The following FAM83B variants were observed in gnomAD, a reference collection of about 807,000 sequenced individuals.
The protein encoded by FAM83B is scaffolding CK1 anchoring protein B.
Under a neutral mutation model 38.8 loss-of-function variants are expected in FAM83B, and 26 were observed. That is an observed-to-expected ratio of 0.67 (90% CI 0.49 to 0.93). The LOEUF (loss-of-function observed/expected upper bound fraction) is 0.93. FAM83B is among the 40% of genes least tolerant of loss of function. The pLI, the probability that FAM83B is intolerant of heterozygous loss-of-function variation, is 0.00. For missense variants in FAM83B, 1,237 were observed against 1,197.3 expected (o/e 1.03, Z -0.49); for synonymous variants, 419 against 423.1 (o/e 0.99, Z 0.12).
intron 2 of FAM83B, among the ~76,000 whole-genome samples, chr6:54,897,701 A>G (rs1772571249): frequency 6.6e-6 from 1 of 152,220 alleles, no homozygotes; most frequent in South Asian, 2.1e-4. Flanking sequence ...AAAGAAATTT[A>G]AACAACATGA....
At chr6:54,891,329 T>A (rs1403171225) in intron 2 of FAM83B, among the ~76,000 whole-genome samples, 1 of 130,200 alleles carries the variant, frequency 7.7e-6, no homozygotes, top group African/African-American at 2.7e-5. Context: ...GTAAGTAGTT[T>A]GCCTTTAATT....
chr6:54,939,353 T>C (rs989307629), intron 4 of FAM83B, among the ~76,000 whole-genome samples: 2 of 152,280 alleles, frequency 1.3e-5, no homozygotes, highest in Admixed American at 1.3e-4. Context: ...GGCTCTTTTT[T>C]GGTTCCATAT....
At chr6:54,914,328 A>G (rs997386773) in intron 2 of FAM83B, among the ~76,000 whole-genome samples, 1 of 152,204 alleles carries the variant, frequency 6.6e-6, no homozygotes, top group Non-Finnish European at 1.5e-5. Context: ...GCCAAGTTTC[A>G]TGACATAATA....
chr6:54,939,592 T>C, intron 4 of FAM83B, 114 bp from the exon 5 acceptor site: 1 of 954,204 alleles, frequency 1.0e-6, no homozygotes, highest in South Asian at 2.3e-5. Flanking sequence ...TTCTAAATAA[T>C]GATAGCCAAA....
Position 54,911,685 on chromosome 6 carries a change from G to A in FAM83B, c.445-14686G>A, listed in dbSNP as rs1296744794. On this transcript the variant is annotated intron_variant, in intron 2 of 4. Coordinates refer to ENST00000306858, the MANE Select transcript of FAM83B (RefSeq NM_001010872.3). ...ATTTGGATAATTTTTCCTTCGCTGT[G>A]ACTATTGGGATTTTTATTGGCCATC... Among the ~76,000 whole-genome samples, 6 of 151,920 alleles carry A rather than the reference G, an allele frequency of 3.9e-5. No homozygotes were observed. In the East Asian group the frequency reaches 9.6e-4, roughly 24 times the overall value.
intron 2 of FAM83B, among the ~76,000 whole-genome samples, chr6:54,888,569 T>G (rs184915944): frequency 1.4e-4 from 22 of 152,014 alleles, no homozygotes; most frequent in Non-Finnish European, 2.9e-4. Flanking sequence ...TGACTTTGAG[T>G]TATTTTATCT....
intron 2 of FAM83B, among the ~76,000 whole-genome samples, chr6:54,917,959 C>A (rs975213620): frequency 1.1e-4 from 17 of 152,018 alleles, no homozygotes; most frequent in Admixed American, 9.2e-4. Context: ...TAAATACCTG[C>A]AAAGTTAAAT....
chr6:54,860,814 T>TA (rs1771566056), intron 1 of FAM83B, among the ~76,000 whole-genome samples: 1 of 152,220 alleles, frequency 6.6e-6, no homozygotes, highest in African/African-American at 2.4e-5. Context: ...ACCTAATACT[T>TA]AAAATCTAAA....
At chr6:54,875,042 A>G (rs1209134686) in intron 2 of FAM83B, among the ~76,000 whole-genome samples, 1 of 152,150 alleles carries the variant, frequency 6.6e-6, no homozygotes, top group Non-Finnish European at 1.5e-5. Flanking sequence ...GTAGAACTAG[A>G]ATAGAGACTT....
intron 4 of FAM83B, among the ~76,000 whole-genome samples, chr6:54,936,388 G>A (rs1366800528): frequency 2.0e-5 from 3 of 151,692 alleles, no homozygotes; most frequent in Non-Finnish European, 4.4e-5. Flanking sequence ...TTTACTACTG[G>A]CTCAACATTT....
chr6:54,869,442 G>C (rs1771792094), intron 1 of FAM83B, among the ~76,000 whole-genome samples: 1 of 151,766 alleles, frequency 6.6e-6, no homozygotes, highest in Non-Finnish European at 1.5e-5. Flanking sequence ...TCTTACTCCT[G>C]TTAAAAGGAA....
intron 2 of FAM83B, among the ~76,000 whole-genome samples, chr6:54,901,615 A>G (rs755133421): frequency 1.3e-5 from 2 of 152,188 alleles, no homozygotes; most frequent in Non-Finnish European, 2.9e-5. Flanking sequence ...TAATGTTGAA[A>G]CATAACATTA....
At chr6:54,915,793 A>G (rs1192201075) in intron 2 of FAM83B, among the ~76,000 whole-genome samples, 3 of 82,136 alleles carry the variant, frequency 3.7e-5, no homozygotes, top group Non-Finnish European at 6.7e-5. Flanking sequence ...GGCCTGGGCG[A>G]CAGAGCGAGA....
intron 2 of FAM83B, among the ~76,000 whole-genome samples, chr6:54,883,104 A>AT (rs796593799): frequency 4.0e-5 from 6 of 151,430 alleles, no homozygotes; most frequent in Non-Finnish European, 7.4e-5. Flanking sequence ...CGCCCGGCTA[A>AT]TTTTTTTGTT....
intron 2 of FAM83B, among the ~76,000 whole-genome samples, chr6:54,903,203 T>G (rs779676741): frequency 9.9e-5 from 15 of 152,224 alleles, no homozygotes; most frequent in Non-Finnish European, 1.6e-4. Context: ...TGCCTTATTA[T>G]TTATTGGACA....
chr6:54,913,170 G>T (rs1772952689), intron 2 of FAM83B, among the ~76,000 whole-genome samples: 1 of 152,022 alleles, frequency 6.6e-6, no homozygotes, highest in South Asian at 2.1e-4. Context: ...GTTTTGTTTT[G>T]CTGTATTTGT....
chr6:54,920,733 G>C (rs1773148506), intron 2 of FAM83B, among the ~76,000 whole-genome samples: 1 of 151,724 alleles, frequency 6.6e-6, no homozygotes, highest in South Asian at 2.1e-4. Context: ...TGGTTATTTG[G>C]TGCATTTATT....
chr6:54,889,170 A>T (rs981227285), intron 2 of FAM83B, among the ~76,000 whole-genome samples: 1 of 152,080 alleles, frequency 6.6e-6, no homozygotes, highest in Non-Finnish European at 1.5e-5. Context: ...TGAATGCTTC[A>T]ATAACAGTTG....
At chr6:54,903,477 TA>T (rs1456190417) in intron 2 of FAM83B, among the ~76,000 whole-genome samples, 1 of 152,216 alleles carries the variant, frequency 6.6e-6, no homozygotes, top group Non-Finnish European at 1.5e-5. Context: ...ATGTTGTCAA[TA>T]GCTTCAATTT....
Sources: gnomAD v4.1 joint callset for allele counts (sites outside exome capture counted in the v4.1 genomes callset) on GRCh38, gnomAD v4.1.1 for gene constraint, MANE v1.5 for transcripts, NCBI Gene and HGNC (gene_info 2026-07-23, HGNC 2026-07-21) for gene names.